LMNB1: variants seen among roughly 807,000 people sequenced by gnomAD.
LMNB1 encodes lamin B1.
LMNB1 carries 23 observed loss-of-function variants against 67.1 expected under a neutral mutation model. That is an observed-to-expected ratio of 0.34 (90% CI 0.25 to 0.49). LMNB1 has a LOEUF of 0.49. Among genes scored for constraint, LMNB1 ranks in the 20% least tolerant of loss-of-function variants. The pLI is 0.99. For synonymous variants in LMNB1, 281 were observed against 282.9 expected (o/e 0.99, Z 0.07); for missense variants, 634 against 746.5 (o/e 0.85, Z 1.76).
At chr5:126,800,086 T>G (rs756244373) in intron 1 of LMNB1, among the ~76,000 whole-genome samples, 1 of 152,184 alleles carries the variant, frequency 6.6e-6, no homozygotes, top group Non-Finnish European at 1.5e-5. Flanking sequence ...TAAAGTAAAA[T>G]TGTAAGCACT....
intron 1 of LMNB1, among the ~76,000 whole-genome samples, chr5:126,780,397 G>GA (rs1291843579): frequency 6.6e-6 from 1 of 152,200 alleles, no homozygotes; most frequent in African/African-American, 2.4e-5. Flanking sequence ...ATCTTTCCAG[G>GA]AGTTAGCCAC....
chr5:126,795,990 T>C (rs899504802), intron 1 of LMNB1, among the ~76,000 whole-genome samples: 2 of 128,864 alleles, frequency 1.6e-5, no homozygotes, highest in Admixed American at 9.4e-5. Context: ...GGGAGTGCAA[T>C]GGTGCGATCT....
At chr5:126,822,011 GC>G (rs1359892425) in intron 7 of LMNB1, among the ~76,000 whole-genome samples, 1 of 107,224 alleles carries the variant, frequency 9.3e-6, no homozygotes, top group African/African-American at 3.5e-5. Flanking sequence ...TCTCTTTGTA[GC>G]CTTTTTTTTT....
intron 3 of LMNB1, among the ~76,000 whole-genome samples, chr5:126,806,252 C>T (rs1751424822): frequency 6.6e-6 from 1 of 152,228 alleles, no homozygotes. Context: ...CACATCCGGC[C>T]TCACTTCATC....
chr5:126,812,501 G>A (rs1473373602), intron 5 of LMNB1, among the ~76,000 whole-genome samples: 1 of 152,176 alleles, frequency 6.6e-6, no homozygotes, highest in Non-Finnish European at 1.5e-5. Context: ...TGTGCTTCAG[G>A]TGCTGCTTAA....
intron 1 of LMNB1, among the ~76,000 whole-genome samples, chr5:126,784,513 G>A (rs1456987011): frequency 2.0e-5 from 3 of 150,408 alleles, no homozygotes; most frequent in African/African-American, 4.9e-5. Context: ...GTGCCACCAC[G>A]CCCGGCTAAT....
At position 126,787,546 on chromosome 5, in the gene LMNB1, A is replaced by ATTTTTTTTTT. The variant is rs142332901; in HGVS notation, c.359+9688_359+9697dup. On this transcript the variant is annotated intron_variant, in intron 1 of 10. Coordinates refer to ENST00000261366, the MANE Select transcript of LMNB1 (RefSeq NM_005573.4). The stretch of plus-strand genomic sequence containing the variant: ...GGGGTATATATATATATATATATAT[A>ATTTTTTTTTT]TTTTTTTTTTTTTTTTTTGAGATAG... Among the ~76,000 whole-genome samples, 116 of 65,564 alleles carry ATTTTTTTTTT rather than the reference A, an allele frequency of 1.8e-3. 4 individuals carry two copies. Among genetic ancestry groups the ATTTTTTTTTT allele is most frequent in the African/African-American group, 7.1e-3 (109 of 15,248 alleles). 43.0% of individuals were successfully genotyped at this position (65,564 alleles called of 152,430 possible).
At chr5:126,811,719 C>A in intron 4 of LMNB1, 54 bp from the exon 5 acceptor site, 1 of 1,524,148 alleles carries the variant, frequency 6.6e-7, no homozygotes, top group Non-Finnish European at 8.9e-7. Context: ...AATCATGCTT[C>A]CTTTTTTGTT....
chr5:126,820,167 A>G (rs1481289508), intron 6 of LMNB1, among the ~76,000 whole-genome samples: 1 of 152,164 alleles, frequency 6.6e-6, no homozygotes, highest in African/African-American at 2.4e-5. Flanking sequence ...AAGAAAAAAA[A>G]AGTTCCAAAA....
At chr5:126,776,820 G>C (rs918511742), upstream of LMNB1, 4 of 152,174 alleles carry the variant, frequency 2.6e-5, no homozygotes, top group Non-Finnish European at 4.4e-5. Flanking sequence ...GCGGGGCGGC[G>C]GGAGGGCCCT....
intron 10 of LMNB1, among the ~76,000 whole-genome samples, chr5:126,833,717 A>G (rs1468693052): frequency 6.6e-6 from 1 of 152,254 alleles, no homozygotes; most frequent in Non-Finnish European, 1.5e-5. Context: ...TAAAATAATT[A>G]TGTAAGAGAT....
chr5:126,829,399 G>A (rs1405213781), intron 9 of LMNB1, among the ~76,000 whole-genome samples: 1 of 151,804 alleles, frequency 6.6e-6, no homozygotes, highest in Non-Finnish European at 1.5e-5. Context: ...TTTCAAAAAA[G>A]TGCTCTTTAT....
At chr5:126,813,312 A>G (rs1751623898) in intron 5 of LMNB1, among the ~76,000 whole-genome samples, 1 of 152,218 alleles carries the variant, frequency 6.6e-6, no homozygotes, top group African/African-American at 2.4e-5. Context: ...GCAGAGCTGG[A>G]AGCACCTCTG....
intron 1 of LMNB1, among the ~76,000 whole-genome samples, chr5:126,788,362 G>T (rs1436659396): frequency 2.6e-5 from 4 of 152,192 alleles, no homozygotes; most frequent in Non-Finnish European, 5.9e-5. Flanking sequence ...GTGAGGCTGG[G>T]CGTGGTGGCT....
At chr5:126,833,308 C>A (rs1482935139) in intron 10 of LMNB1, among the ~76,000 whole-genome samples, 1 of 152,150 alleles carries the variant, frequency 6.6e-6, no homozygotes, top group Non-Finnish European at 1.5e-5. Flanking sequence ...AATAAAGAAA[C>A]TCCAAATTTG....
chr5:126,779,224 GAAT>G, intron 1 of LMNB1, among the ~76,000 whole-genome samples: 1 of 152,304 alleles, frequency 6.6e-6, no homozygotes, highest in Admixed American at 6.5e-5. Flanking sequence ...CACGTGGTAA[GAAT>G]AAAATAGTAT....
At chr5:126,804,001 G>A (rs1751352918) in intron 1 of LMNB1, among the ~76,000 whole-genome samples, 1 of 152,122 alleles carries the variant, frequency 6.6e-6, no homozygotes, top group Non-Finnish European at 1.5e-5. Context: ...AATATCAGGG[G>A]AGTTTCAGTA....
At chr5:126,835,259 G>C (rs1275852685) in intron 10 of LMNB1, among the ~76,000 whole-genome samples, 2 of 152,216 alleles carry the variant, frequency 1.3e-5, no homozygotes. Context: ...TGGAAGGGCA[G>C]AACAGGCGTT....
At position 126,822,782 on chromosome 5, in the gene LMNB1, A is replaced by G. The variant is rs1751901768; in HGVS notation, c.1388A>G (p.Asp463Gly). 1 of 1,597,768 alleles carries G rather than the reference A, an allele frequency of 6.3e-7. No homozygotes were observed. The highest frequency in any genetic ancestry group is 1.3e-5 in the African/African-American group (1 of 74,500). The part of the protein sequence containing the change: ...FIRLKNTSEQ[D>G]QPMGGWEMIR... ...CCTCACCCTCCTTTCTGTGTGTAGG[A>G]TCAACCAATGGGAGGCTGGGAGATG... is the stretch of plus-strand genomic sequence containing the variant. Residue 463 changes from aspartate (D) to glycine (G), a missense_variant and splice_region_variant, in exon 8 of 11, where the codon GAT (aspartate) becomes GGT (glycine). Asp to Gly is a moderately conservative substitution (Grantham distance 94). Coordinates refer to ENST00000261366, the MANE Select transcript of LMNB1 (RefSeq NM_005573.4).
Sources: allele counts gnomAD v4.1 joint callset (sites outside exome capture counted in the v4.1 genomes callset), GRCh38; gene constraint gnomAD v4.1.1; transcripts MANE v1.5; gene names NCBI Gene and HGNC (gene_info 2026-07-23, HGNC 2026-07-21).